RBFOX1: variants seen among roughly 807,000 people sequenced by gnomAD.
The protein encoded by RBFOX1 is RNA binding protein fox-1 homolog 1.
Under a neutral mutation model 57.7 loss-of-function variants are expected in RBFOX1, and 8 were observed. The observed-to-expected ratio is 0.14, with a 90% confidence interval of 0.08 to 0.25. RBFOX1 has a LOEUF of 0.25. Ranked by LOEUF, RBFOX1 falls within the 10% of genes least tolerant of loss-of-function variation. The pLI is 1.00. For synonymous variants in RBFOX1, 326 were observed against 222.4 expected, an observed-to-expected ratio of 1.47 and a Z score of -4.15; for missense variants, 611 against 548.5, an observed-to-expected ratio of 1.11 and a Z score of -1.14.
At position 7,250,346 on chromosome 16, in the gene RBFOX1, C is replaced by G. The variant is rs146482071; in HGVS notation, c.27+198248C>G. ...GCTTATATTAATTGTTTACTGGTGA[C>G]CATGGATGCTGACACAATGATTAAA... is the stretch of plus-strand genomic sequence containing the variant. On this transcript the variant is annotated intron_variant, in intron 4 of 15. Coordinates refer to ENST00000550418, the MANE Select transcript of RBFOX1 (RefSeq NM_018723.4). Among the ~76,000 whole-genome samples, 341 of 152,218 alleles carry G rather than the reference C, an allele frequency of 2.2e-3. 1 individual carries two copies. Among genetic ancestry groups the G allele is most frequent in the African/African-American group, 7.5e-3 (310 of 41,536 alleles).
intron 4 of RBFOX1, among the ~76,000 whole-genome samples, chr16:7,487,598 T>C (rs1351221057): frequency 6.6e-6 from 1 of 152,190 alleles, no homozygotes; most frequent in Non-Finnish European, 1.5e-5. Context: ...TGCATGAAGA[T>C]AAGCAGTAGA....
intron 4 of RBFOX1, among the ~76,000 whole-genome samples, chr16:7,381,300 T>C (rs2097778435): frequency 6.6e-6 from 1 of 152,198 alleles, no homozygotes; most frequent in Non-Finnish European, 1.5e-5. Flanking sequence ...GCTCATAATA[T>C]TGCCTTATTG....
At chr16:5,660,771 G>A (rs914546947) in intron 3 of RBFOX1, among the ~76,000 whole-genome samples, 15 of 152,218 alleles carry the variant, frequency 9.9e-5, no homozygotes, top group African/African-American at 2.4e-4. Flanking sequence ...CTGCTATGCC[G>A]GAGAGGTGAG....
intron 3 of RBFOX1, among the ~76,000 whole-genome samples, chr16:5,651,276 C>G (rs1264104816): frequency 1.3e-5 from 2 of 151,974 alleles, no homozygotes; most frequent in Non-Finnish European, 2.9e-5. Context: ...TGGTCTGGAA[C>G]TCCTGGCCTC....
At chr16:7,347,602 C>T (rs923882907) in intron 4 of RBFOX1, among the ~76,000 whole-genome samples, 5 of 152,136 alleles carry the variant, frequency 3.3e-5, no homozygotes, top group Non-Finnish European at 1.5e-5. Context: ...CCAGAATTAT[C>T]AGTCACGCCG....
intron 4 of RBFOX1, among the ~76,000 whole-genome samples, chr16:7,167,749 C>G (rs931868763): frequency 1.3e-5 from 2 of 152,192 alleles, no homozygotes; most frequent in African/African-American, 4.8e-5. Context: ...AGAAACACAG[C>G]CTTATTCATT....
At chr16:5,782,237 G>C (rs1261653575) in intron 3 of RBFOX1, among the ~76,000 whole-genome samples, 1 of 152,190 alleles carries the variant, frequency 6.6e-6, no homozygotes, top group Non-Finnish European at 1.5e-5. Flanking sequence ...CAGTTCTAGA[G>C]GCTGGGAAGT....
intron 2 of RBFOX1, among the ~76,000 whole-genome samples, chr16:6,610,669 C>T (rs1313288042): frequency 6.6e-6 from 1 of 152,178 alleles, no homozygotes; most frequent in African/African-American, 2.4e-5. Context: ...CTCAGGTGAG[C>T]TTCATATATG....
rs552315394 is a variant in RBFOX1 at position 5,750,319 on chromosome 16, C to T, written c.319-116984C>T. Among the ~76,000 whole-genome samples the T allele has an allele frequency of 1.6e-4, 24 of 152,324 alleles. No individual in the cohort carries two copies. The East Asian group carries it at 3.5e-3, about 22-fold the overall frequency. On this transcript the variant is annotated intron_variant, in intron 3 of 19. Coordinates refer to the RBFOX1 transcript ENST00000641259. Reference sequence around the variant, plus strand: ...AGTTAGGCTACTCGGGGGTCAGGAACGTACTTGAGGAGGCAGACTGTCCAT... The same window carrying T: ...AGTTAGGCTACTCGGGGGTCAGGAATGTACTTGAGGAGGCAGACTGTCCAT...
At chr16:7,413,261 C>T (rs1048528752) in intron 4 of RBFOX1, among the ~76,000 whole-genome samples, 1 of 152,052 alleles carries the variant, frequency 6.6e-6, no homozygotes, top group Non-Finnish European at 1.5e-5. Context: ...TGTGCCTCAA[C>T]ACTGATTCTC....
chr16:6,585,224 C>G (rs1488691400), intron 2 of RBFOX1, among the ~76,000 whole-genome samples: 1 of 152,158 alleles, frequency 6.6e-6, no homozygotes, highest in African/African-American at 2.4e-5. Context: ...TAATAGATAA[C>G]TATCATCTTT....
chr16:6,724,219 T>C (rs565095797), intron 3 of RBFOX1, among the ~76,000 whole-genome samples: 3 of 151,088 alleles, frequency 2.0e-5, no homozygotes, highest in East Asian at 2.0e-4. Flanking sequence ...TTTTTTTTTT[T>C]TTTTTTTGAG....
At chr16:7,557,649 GAAAAAAAAAAA>G (rs1567817121) in intron 5 of RBFOX1, among the ~76,000 whole-genome samples, 3 of 78,412 alleles carry the variant, frequency 3.8e-5, no homozygotes, top group Non-Finnish European at 6.0e-5. Context: ...AAAAGAAAAA[GAAAAAAAAAAA>G]GCATTTTCTT....
chr16:7,345,865 A>G (rs1603626150), intron 4 of RBFOX1, among the ~76,000 whole-genome samples: 1 of 152,058 alleles, frequency 6.6e-6, no homozygotes, highest in Non-Finnish European at 1.5e-5. Context: ...TCTAGGGTAC[A>G]TGTGCACAAC....
chr16:6,219,223 GTTTGGGAGGCTGA>G (rs2097355866), intron 1 of RBFOX1, among the ~76,000 whole-genome samples: 1 of 152,148 alleles, frequency 6.6e-6, no homozygotes, highest in Non-Finnish European at 1.5e-5. Context: ...AATCCCAGCA[GTTTGGGAGGCTGA>G]GGTGGGAGGA....
intron 3 of RBFOX1, among the ~76,000 whole-genome samples, chr16:6,796,736 G>A (rs879830146): frequency 6.6e-6 from 1 of 152,106 alleles, no homozygotes; most frequent in Non-Finnish European, 1.5e-5. Flanking sequence ...ACACATTTAT[G>A]ATCCTAAACG....
chr16:6,764,977 A>G lies in RBFOX1; in HGVS notation c.-16+110327A>G, dbSNP rs144128199. ...AAAAAGAAAAGAGTAAATTAATGGG[A>G]TATTGTAATGGAGAATCATAATGTG... On this transcript the variant is annotated intron_variant, in intron 3 of 15. Transcript: ENST00000550418. 9.8e-4 allele frequency among the ~76,000 whole-genome samples: 149 copies of G among 152,152 alleles called. 1 individual carries two copies. Among genetic ancestry groups the G allele is most frequent in the African/African-American group, 3.4e-3 (141 of 41,526 alleles).
At chr16:5,357,705 C>T (rs747212565) in intron 1 of RBFOX1, among the ~76,000 whole-genome samples, 5 of 152,186 alleles carry the variant, frequency 3.3e-5, no homozygotes, top group African/African-American at 2.4e-5. Flanking sequence ...CTGGCTGTGT[C>T]CCTGTCCTTG....
At chr16:5,867,245 T>G in intron 3 of RBFOX1, 1 of 1,122,044 alleles carries the variant, frequency 8.9e-7, no homozygotes, top group Non-Finnish European at 1.1e-6. Context: ...AAAAGACAAT[T>G]AATCCAATTA....
Sources: gnomAD v4.1 joint callset for allele counts (sites outside exome capture counted in the v4.1 genomes callset) on GRCh38, gnomAD v4.1.1 for gene constraint, MANE v1.5 for transcripts, NCBI Gene and HGNC (gene_info 2026-07-23, HGNC 2026-07-21) for gene names.